COL22A1: variants seen among roughly 807,000 people sequenced by gnomAD.
The protein encoded by COL22A1 is collagen type XXII alpha 1 chain, also known as collagen alpha-1(XXII) chain.
A neutral mutation model predicts 248.9 loss-of-function variants in COL22A1; 221 were observed. The observed-to-expected ratio is 0.89, with a 90% CI of 0.80 to 0.99. The LOEUF is 0.99. Ranked by LOEUF, COL22A1 falls within the 50% of genes least tolerant of loss-of-function variation. The probability of loss-of-function intolerance (pLI) is 0.00; values close to 1 mark genes in which losing one functional copy is unlikely to be tolerated. For synonymous variants in COL22A1, 891 were observed against 793.4 expected (o/e 1.12, Z -2.07); for missense variants, 2,240 against 2,179.0 (o/e 1.03, Z -0.56).
At chr8:138,792,349 C>T (rs983197413) in intron 12 of COL22A1, among the ~76,000 whole-genome samples, 1 of 152,206 alleles carries the variant, frequency 6.6e-6, no homozygotes, top group Non-Finnish European at 1.5e-5. Flanking sequence ...AGACCACTGG[C>T]AGGAAATGCA....
chr8:138,901,365 T>TG (rs1563905279), intron 1 of COL22A1, among the ~76,000 whole-genome samples: 1 of 33,586 alleles, frequency 3.0e-5, no homozygotes, highest in Non-Finnish European at 9.7e-5. Flanking sequence ...CAGGTTTTTT[T>TG]TTTGTTTTTT....
At chr8:138,805,265 C>CAT (rs781680062) in intron 10 of COL22A1, among the ~76,000 whole-genome samples, 37 of 94,872 alleles carry the variant, frequency 3.9e-4, no homozygotes, top group Admixed American at 1.1e-3. Context: ...TGTGAGCATG[C>CAT]ATGTGTGTGT....
intron 22 of COL22A1, among the ~76,000 whole-genome samples, chr8:138,742,586 T>TTGATGG (rs1336443256): frequency 1.4e-5 from 2 of 139,486 alleles, no homozygotes; most frequent in South Asian, 4.5e-4. Flanking sequence ...GATGGTGGAG[T>TTGATGG]TGATGGTGAT....
intron 9 of COL22A1, among the ~76,000 whole-genome samples, chr8:138,809,843 T>C (rs1038461360): frequency 1.3e-5 from 2 of 152,182 alleles, no homozygotes; most frequent in Non-Finnish European, 2.9e-5. Context: ...TGTCCATCCA[T>C]GTCTTCATAC....
chr8:138,872,237 T>A (rs898427402), intron 3 of COL22A1, among the ~76,000 whole-genome samples: 1 of 152,138 alleles, frequency 6.6e-6, no homozygotes, highest in African/African-American at 2.4e-5. Flanking sequence ...AAAACTCTCA[T>A]TAAATGAGAA....
intron 27 of COL22A1, among the ~76,000 whole-genome samples, chr8:138,720,436 C>A (rs1829782290): frequency 6.6e-6 from 1 of 151,970 alleles, no homozygotes; most frequent in Admixed American, 6.6e-5. Flanking sequence ...GGGGTGGGGG[C>A]TCTTTCCGGC....
chr8:138,688,786 C>G (rs959061436), intron 37 of COL22A1, 131 bp downstream of exon 37: 1 of 727,840 alleles, frequency 1.4e-6, no homozygotes, highest in Non-Finnish European at 2.4e-6. Flanking sequence ...GTCTTCCTCT[C>G]CCTCCTACTT....
intron 53 of COL22A1, among the ~76,000 whole-genome samples, chr8:138,617,452 G>A (rs796080484): frequency 3.9e-5 from 6 of 152,204 alleles, no homozygotes; most frequent in African/African-American, 1.4e-4. Flanking sequence ...GCTACATCCC[G>A]GGCCATAGTG....
chr8:138,756,756 T>C (rs926414173), intron 18 of COL22A1, among the ~76,000 whole-genome samples: 2 of 152,134 alleles, frequency 1.3e-5, no homozygotes, highest in Non-Finnish European at 2.9e-5. Flanking sequence ...GATTCTATTC[T>C]ATGGACAGAA....
intron 22 of COL22A1, among the ~76,000 whole-genome samples, chr8:138,743,815 G>A (rs956160763): frequency 2.6e-5 from 4 of 152,118 alleles, no homozygotes; most frequent in African/African-American, 7.2e-5. Flanking sequence ...GAGCGGAACT[G>A]GTATTTCCAA....
At chr8:138,857,024 C>T (rs910334229) in intron 3 of COL22A1, among the ~76,000 whole-genome samples, 1 of 152,110 alleles carries the variant, frequency 6.6e-6, no homozygotes, top group Non-Finnish European at 1.5e-5. Context: ...GAAAGGCCGC[C>T]TTTGCCCCTC....
At chr8:138,702,000 TCTAA>T (rs1189245009) in intron 31 of COL22A1, among the ~76,000 whole-genome samples, 2 of 152,256 alleles carry the variant, frequency 1.3e-5, no homozygotes, top group East Asian at 3.8e-4. Flanking sequence ...TGTGGTCTGT[TCTAA>T]CTTTTTATTG....
At chr8:138,862,967 C>T (rs530753310) in intron 3 of COL22A1, among the ~76,000 whole-genome samples, 1 of 152,198 alleles carries the variant, frequency 6.6e-6, no homozygotes, top group South Asian at 2.1e-4. Context: ...AAATTAAACA[C>T]ACAAAGGACC....
At chr8:138,596,998 CATCTT>C (rs1817594307) in intron 61 of COL22A1, 28 bp from the exon 62 acceptor site, 1 of 1,601,134 alleles carries the variant, frequency 6.2e-7, no homozygotes, top group African/African-American at 1.3e-5. Context: ...TGGAGTCATT[CATCTT>C]CCCAGTAACT....
At chr8:138,684,226 T>G (rs1394731574) in intron 39 of COL22A1, among the ~76,000 whole-genome samples, 199 bp downstream of exon 39, 2 of 147,632 alleles carry the variant, frequency 1.4e-5, no homozygotes, top group Non-Finnish European at 3.0e-5. Flanking sequence ...ATCGCACCAC[T>G]GCACTCCAGC....
At chr8:138,601,859 T>A (rs1435557023) in intron 60 of COL22A1, among the ~76,000 whole-genome samples, 1 of 152,044 alleles carries the variant, frequency 6.6e-6, no homozygotes, top group Non-Finnish European at 1.5e-5. Flanking sequence ...ATGATTTTAG[T>A]CCTTAAAATG....
intron 47 of COL22A1, among the ~76,000 whole-genome samples, chr8:138,637,907 C>T (rs1190728727): frequency 6.6e-6 from 1 of 152,132 alleles, no homozygotes; most frequent in Non-Finnish European, 1.5e-5. Context: ...ATCATGATCA[C>T]CATCAACATC....
intron 42 of COL22A1, among the ~76,000 whole-genome samples, chr8:138,663,033 C>CACACACACACACACACACACACACAT (rs1243371351): frequency 1.3e-5 from 2 of 151,992 alleles, no homozygotes. Flanking sequence ...CACACACACA[C>CACACACACACACACACACACACACAT]ACAAAGCAAT....
chr8:138,727,204 G>A (rs1830383998), intron 23 of COL22A1, among the ~76,000 whole-genome samples: 1 of 152,134 alleles, frequency 6.6e-6, no homozygotes, highest in Non-Finnish European at 1.5e-5. Context: ...GCACCACAGC[G>A]TCCAGAAGGT....
Sources: gnomAD v4.1 joint callset for allele counts (sites outside exome capture counted in the v4.1 genomes callset) on GRCh38, gnomAD v4.1.1 for gene constraint, MANE v1.5 for transcripts, NCBI Gene and HGNC (gene_info 2026-07-23, HGNC 2026-07-21) for gene names.